GLB1: variants seen among roughly 807,000 people sequenced by gnomAD.
GLB1 encodes the protein galactosidase beta 1.
Under a neutral mutation model 74.0 loss-of-function variants are expected in GLB1, and 56 were observed. That is an observed-to-expected ratio of 0.76 (90% CI 0.61 to 0.94). The LOEUF (loss-of-function observed/expected upper bound fraction) is 0.94, where lower values mean the gene tolerates loss of function less well. Among genes scored for constraint, GLB1 ranks in the 40% least tolerant of loss-of-function variants. GLB1 has a pLI of 0.00. For synonymous variants in GLB1, 323 were observed against 323.6 expected (o/e 1.00, Z 0.02); for missense variants, 787 against 845.5 (o/e 0.93, Z 0.86).
intron 2 of GLB1, among the ~76,000 whole-genome samples, chr3:33,071,457 G>A (rs1434399656): frequency 6.6e-6 from 1 of 152,194 alleles, no homozygotes; most frequent in East Asian, 1.9e-4. Flanking sequence ...TAGCAAAAGA[G>A]ATGCAGAGAG....
At chr3:33,032,009 G>A (rs1698067291) in intron 10 of GLB1, among the ~76,000 whole-genome samples, 1 of 152,014 alleles carries the variant, frequency 6.6e-6, no homozygotes. Flanking sequence ...TGTTGGCCAG[G>A]CTGGTCTCGA....
Position 33,095,929 on chromosome 3 carries a change from A to T in GLB1, c.75+1082T>A, listed in dbSNP as rs1298442939. ...CAGACGGGGTGAAGAGGGAGCAGCA[A>T]ATAATCTGTGCTGACTTTTTCCCAA... On this transcript the variant is annotated intron_variant, in intron 1 of 15. Transcript: ENST00000307363. Among the ~76,000 whole-genome samples, 3 of 152,266 alleles carry T rather than the reference A, an allele frequency of 2.0e-5. No homozygotes were observed. In the East Asian group the frequency reaches 5.8e-4, roughly 29 times the overall value.
At chr3:33,052,108 A>C in intron 7 of GLB1, 104 bp from the exon 8 acceptor site, 1 of 1,589,314 alleles carries the variant, frequency 6.3e-7, no homozygotes, top group South Asian at 1.1e-5. Context: ...GGGGGTTGAC[A>C]TGCTGACATG....
At chr3:33,048,234 C>T (rs575732655) in intron 9 of GLB1, among the ~76,000 whole-genome samples, 5 of 152,164 alleles carry the variant, frequency 3.3e-5, no homozygotes, top group South Asian at 2.1e-4. Flanking sequence ...GGGAAGCTGT[C>T]CAGTGGGTTT....
At chr3:33,094,408 G>T in intron 1 of GLB1, 1 of 1,299,706 alleles carries the variant, frequency 7.7e-7, no homozygotes. Flanking sequence ...TTGAATCCAA[G>T]CTACTCAAAT....
intron 15 of GLB1, among the ~76,000 whole-genome samples, chr3:33,006,389 T>G (rs1274453618): frequency 6.6e-6 from 1 of 151,994 alleles, no homozygotes; most frequent in African/African-American, 2.4e-5. Flanking sequence ...TGATTTGAGG[T>G]GGAACAGTTT....
intron 1 of GLB1, among the ~76,000 whole-genome samples, chr3:33,081,606 C>A (rs573210666): frequency 2.0e-5 from 3 of 152,184 alleles, no homozygotes; most frequent in East Asian, 3.9e-4. Context: ...GGAAGCCCCC[C>A]CAGTGGGGCC....
chr3:33,062,173 A>AT (rs953869640), intron 5 of GLB1, among the ~76,000 whole-genome samples: 21 of 151,994 alleles, frequency 1.4e-4, no homozygotes, highest in Middle Eastern at 3.4e-3. Flanking sequence ...AGAAATCTTT[A>AT]TTTTTTTTGA....
chr3:32,966,230 G>T, the GLB1 span, among the ~76,000 whole-genome samples: 1 of 152,208 alleles, frequency 6.6e-6, no homozygotes, highest in Non-Finnish European at 1.5e-5. Flanking sequence ...GCTGGGAGCG[G>T]GCTATACCCT....
intron 15 of GLB1, among the ~76,000 whole-genome samples, chr3:33,002,082 G>C (rs1696597108): frequency 6.6e-6 from 1 of 151,926 alleles, no homozygotes; most frequent in African/African-American, 2.4e-5. Flanking sequence ...CCAAGCAGTG[G>C]TTTCTGGGGC....
rs151011607 is a variant in GLB1 at position 33,045,607 on chromosome 3, T to A, written c.1068+513A>T. 221 of 991,356 alleles carry A rather than the reference T, an allele frequency of 2.2e-4. No homozygotes were observed. The African/African-American group carries it at 3.4e-3, about 15-fold the overall frequency. The allele number at this position is 991,356 out of a possible 1,614,324, so 61.4% of individuals were successfully genotyped here. On this transcript the variant is annotated intron_variant, in intron 10 of 15. Coordinates refer to ENST00000307363, the MANE Select transcript of GLB1 (RefSeq NM_000404.4). The stretch of plus-strand genomic sequence containing the variant: ...AAACTTACTTTTTTCAGATGATGCA[T>A]TAAATAAAGAAACCAGAGCTTAGCT...
chr3:33,034,684 T>C, intron 10 of GLB1: 1 of 729,600 alleles, frequency 1.4e-6, no homozygotes, highest in Non-Finnish European at 2.6e-6. Context: ...CCATCTCTGG[T>C]GGAGACAATA....
At chr3:33,076,597 C>G (rs1025678135) in intron 1 of GLB1, among the ~76,000 whole-genome samples, 1 of 152,060 alleles carries the variant, frequency 6.6e-6, no homozygotes, top group South Asian at 2.1e-4. Context: ...GAGGCACAGG[C>G]GCGAACCTGA....
At chr3:33,017,111 C>T (rs1559383762) in intron 13 of GLB1, among the ~76,000 whole-genome samples, 2 of 152,178 alleles carry the variant, frequency 1.3e-5, no homozygotes, top group Non-Finnish European at 2.9e-5. Flanking sequence ...GTTTTACTGC[C>T]AACTACTTTT....
intron 1 of GLB1, among the ~76,000 whole-genome samples, chr3:33,078,922 CAG>C (rs1559415273): frequency 2.0e-5 from 3 of 152,100 alleles, no homozygotes; most frequent in African/African-American, 7.2e-5. Context: ...TATCTCATGG[CAG>C]TCTTGAACTC....
chr3:33,027,326 C>T (rs778822499), intron 10 of GLB1, among the ~76,000 whole-genome samples: 4 of 152,270 alleles, frequency 2.6e-5, no homozygotes, highest in Admixed American at 6.5e-5. Flanking sequence ...CTCAACCCCA[C>T]GCTTGCTCAC....
At chr3:33,042,364 C>T (rs948345442) in intron 10 of GLB1, among the ~76,000 whole-genome samples, 1 of 92,734 alleles carries the variant, frequency 1.1e-5, no homozygotes, top group Non-Finnish European at 2.5e-5. Flanking sequence ...GACCCCTCAT[C>T]TCCTCCTTTT....
the GLB1 span, among the ~76,000 whole-genome samples, chr3:32,972,651 A>C: frequency 6.6e-6 from 1 of 152,206 alleles, no homozygotes. Flanking sequence ...GACATCAGCC[A>C]CTGCTGTTTA....
chr3:33,075,298 G>T (rs544168287), intron 1 of GLB1, among the ~76,000 whole-genome samples: 2 of 152,262 alleles, frequency 1.3e-5, no homozygotes, highest in Non-Finnish European at 2.9e-5. Flanking sequence ...TTCGGAAAAG[G>T]GTAGAGCTGT....
Sources: gnomAD v4.1 joint callset for allele counts (sites outside exome capture counted in the v4.1 genomes callset) on GRCh38, gnomAD v4.1.1 for gene constraint, MANE v1.5 for transcripts, NCBI Gene and HGNC (gene_info 2026-07-23, HGNC 2026-07-21) for gene names.